The following TTC39C variants were observed in gnomAD, a reference collection of about 807,000 sequenced individuals.
TTC39C encodes tetratricopeptide repeat domain 39C.
Under a neutral mutation model 76.3 loss-of-function variants are expected in TTC39C, and 33 were observed. The ratio of observed to expected loss-of-function variants is 0.43; its 90% CI spans 0.33 to 0.58. The LOEUF (loss-of-function observed/expected upper bound fraction) is 0.58, where lower values mean the gene tolerates loss of function less well. Ranked by LOEUF, TTC39C falls within the 20% of genes least tolerant of loss-of-function variation. TTC39C has a pLI of 0.04. For synonymous variants in TTC39C, 254 were observed against 260.6 expected (o/e 0.97, Z 0.24); for missense variants, 595 against 701.4 (o/e 0.85, Z 1.71).
At chr18:24,002,142 C>T (rs1464361041) in intron 1 of TTC39C, among the ~76,000 whole-genome samples, 1 of 152,140 alleles carries the variant, frequency 6.6e-6, no homozygotes, top group Non-Finnish European at 1.5e-5. Flanking sequence ...CTGTCAGCCT[C>T]CTTGGTGCCT....
chr18:24,014,943 G>A lies in TTC39C; in HGVS notation c.72G>A (p.Ala24=). Residue 24 remains alanine, a synonymous_variant, in exon 1 of 14, where the codon GCG becomes GCA. Coordinates refer to ENST00000317571, the MANE Select transcript of TTC39C (RefSeq NM_001135993.2). The part of the protein sequence containing the change: ...DGDSDAAAAA[A]APLQDAELAL... Reference sequence around the variant, plus strand: ...ACTCGGACGCGGCAGCGGCGGCGGCGGCGCCCCTGCAGGACGCGGAGCTGG... The same window carrying A: ...ACTCGGACGCGGCAGCGGCGGCGGCAGCGCCCCTGCAGGACGCGGAGCTGG... 6.6e-7 allele frequency: 1 copy of A among 1,525,396 alleles called. No individual in the cohort carries two copies. The highest frequency in any genetic ancestry group is 8.8e-7 in the Non-Finnish European group (1 of 1,136,286). The allele number at this position is 1,525,396 out of a possible 1,614,324, so 94.5% of individuals were successfully genotyped here. A position where few individuals can be genotyped will look rare whatever the true frequency, so the allele number is the denominator to read the frequency against.
Position 24,090,293 on chromosome 18 carries a change from A to G in TTC39C, c.984+7212A>G, listed in dbSNP as rs1453761559. 3.9e-5 allele frequency among the ~76,000 whole-genome samples: 6 copies of G among 152,352 alleles called. No individual in the cohort carries two copies. In the East Asian group the frequency reaches 1.2e-3, roughly 29 times the overall value. ...ATTGCTAAAATCAAGGTCTATAAAC[A>G]GCTCTGTGTAGCTCTTAAATGATGA... is the stretch of plus-strand genomic sequence containing the variant. On this transcript the variant is annotated intron_variant, in intron 6 of 13. Transcript: ENST00000317571.
intron 1 of TTC39C, among the ~76,000 whole-genome samples, chr18:24,018,922 C>A (rs997876930): frequency 2.0e-5 from 3 of 152,144 alleles, no homozygotes; most frequent in African/African-American, 7.2e-5. Context: ...TTCCCATGGT[C>A]GGTGCTTTCC....
chr18:23,993,807 AAATAT>A (rs1190198775), intron 1 of TTC39C, among the ~76,000 whole-genome samples: 2 of 152,208 alleles, frequency 1.3e-5, no homozygotes, highest in Admixed American at 1.3e-4. Flanking sequence ...TTGTCTTGGG[AAATAT>A]AATAGAAATG....
chr18:24,087,130 A>AT (rs1266645945), intron 6 of TTC39C, among the ~76,000 whole-genome samples: 1 of 152,164 alleles, frequency 6.6e-6, no homozygotes, highest in Non-Finnish European at 1.5e-5. Context: ...TCAAATGTGA[A>AT]TTGGTAGTTA....
chr18:24,061,706 C>T (rs532803494), intron 1 of TTC39C, among the ~76,000 whole-genome samples: 2 of 151,790 alleles, frequency 1.3e-5, no homozygotes, highest in East Asian at 3.9e-4. Context: ...AGCTCGAGAC[C>T]AGCCTGCTCA....
In TTC39C at chr18:24,096,362, G is replaced by C. The variant is rs546594938; in HGVS notation, c.984+13281G>C. Among the ~76,000 whole-genome samples the C allele has an allele frequency of 4.6e-5, 7 of 152,202 alleles. No homozygotes were observed. In the East Asian group the frequency reaches 1.4e-3, roughly 29 times the overall value. On this transcript the variant is annotated intron_variant, in intron 6 of 13. Transcript: ENST00000317571. ...ATTAGTGAAGTTAATTATATTTTCT[G>C]TCTATTACTTTCATTGTGAGAATTA...
At chr18:24,021,157 A>C (rs886341344) in intron 1 of TTC39C, among the ~76,000 whole-genome samples, 30 of 152,322 alleles carry the variant, frequency 2.0e-4, no homozygotes, top group African/African-American at 5.8e-4. Context: ...AAGAAAGTAC[A>C]GAAAAGTAGA....
chr18:24,107,568 C>T (rs1265809511), intron 6 of TTC39C, among the ~76,000 whole-genome samples: 1 of 152,122 alleles, frequency 6.6e-6, no homozygotes, highest in Non-Finnish European at 1.5e-5. Context: ...GGCTTCTCCC[C>T]TCCTTTGCTC....
intron 6 of TTC39C, among the ~76,000 whole-genome samples, chr18:24,092,884 A>T (rs1047757206): frequency 6.6e-6 from 1 of 152,108 alleles, no homozygotes; most frequent in Non-Finnish European, 1.5e-5. Context: ...CAGAAGTTTG[A>T]TACAAGCCTG....
At chr18:24,103,030 A>T (rs1257106078) in intron 6 of TTC39C, among the ~76,000 whole-genome samples, 2 of 152,152 alleles carry the variant, frequency 1.3e-5, no homozygotes, top group Non-Finnish European at 2.9e-5. Context: ...GGAGCCTAGG[A>T]GGCGGAGGTT....
chr18:23,998,042 T>C (rs960323196), intron 1 of TTC39C, among the ~76,000 whole-genome samples: 2 of 152,232 alleles, frequency 1.3e-5, no homozygotes, highest in African/African-American at 4.8e-5. Context: ...CAATAATTTG[T>C]AGTGATCAAT....
rs35978012 is a variant in TTC39C, at chr18:24,101,305, T to TAAAAA, written c.985-13235_985-13231dup. Among the ~76,000 whole-genome samples the TAAAAA allele has an allele frequency of 4.9e-3, 688 of 139,442 alleles. 12 individuals carry two copies. Among genetic ancestry groups the TAAAAA allele is most frequent in the Admixed American group, 8.8e-3 (124 of 14,068 alleles). The allele number at this position is 139,442 out of a possible 152,430, so 91.5% of individuals were successfully genotyped here. On this transcript the variant is annotated intron_variant, in intron 6 of 13. Coordinates refer to ENST00000317571, the MANE Select transcript of TTC39C (RefSeq NM_001135993.2). ...TTTACAACTTGGCTTTAATTTTTCA[T>TAAAAA]AAAAAAAAAAAAAAAAAACTGGCTG...
chr18:24,121,225 C>T (rs1436327576), intron 8 of TTC39C, among the ~76,000 whole-genome samples: 1 of 152,158 alleles, frequency 6.6e-6, no homozygotes, highest in Non-Finnish European at 1.5e-5. Flanking sequence ...GTTTAGGCCT[C>T]ATATTTTAGG....
chr18:24,061,349 A>G (rs2145726769), intron 1 of TTC39C, among the ~76,000 whole-genome samples: 1 of 151,974 alleles, frequency 6.6e-6, no homozygotes, highest in African/African-American at 2.4e-5. Context: ...CTCAGCCTTC[A>G]CATAGCATTC....
intron 1 of TTC39C, among the ~76,000 whole-genome samples, chr18:24,038,928 T>G (rs2083761300): frequency 6.6e-6 from 1 of 152,192 alleles, no homozygotes; most frequent in African/African-American, 2.4e-5. Flanking sequence ...CCCATCCTTA[T>G]GACCTCATTT....
At chr18:24,130,866 G>T (rs2085118693) in intron 12 of TTC39C, among the ~76,000 whole-genome samples, 1 of 151,514 alleles carries the variant, frequency 6.6e-6, no homozygotes, top group African/African-American at 2.4e-5. Context: ...TATAGAAAAA[G>T]TATAGTAAAA....
intron 6 of TTC39C, among the ~76,000 whole-genome samples, chr18:24,086,735 C>T (rs2145768857): frequency 6.6e-6 from 1 of 152,322 alleles, no homozygotes; most frequent in Middle Eastern, 3.4e-3. Context: ...TTGTGTTGTC[C>T]TTACAGCTGA....
rs138234250 is a variant in TTC39C, at chr18:24,123,385, T to TTTTG, written c.1187-417_1187-414dup. On this transcript the variant is annotated intron_variant, in intron 8 of 13. Transcript: ENST00000317571. ...GCAGTCCTTTGTGGAACAGTCTTTT[T>TTTTG]TTTGTTTGTTTGTTTGTTTGTTTGT... Among the ~76,000 whole-genome samples, 306 of 139,168 alleles carry TTTTG rather than the reference T, an allele frequency of 2.2e-3. 2 individuals are homozygous for TTTTG. Among genetic ancestry groups the TTTTG allele is most frequent in the African/African-American group, 8.3e-3 (262 of 31,454 alleles). 91.3% of individuals were successfully genotyped at this position (139,168 alleles called of 152,430 possible). A position where few individuals can be genotyped will look rare whatever the true frequency, so the allele number is the denominator to read the frequency against.
Sources: allele counts gnomAD v4.1 joint callset (sites outside exome capture counted in the v4.1 genomes callset), GRCh38; gene constraint gnomAD v4.1.1; transcripts MANE v1.5; gene names NCBI Gene and HGNC (gene_info 2026-07-23, HGNC 2026-07-21).